Variants in CNTN1 observed in about 807,000 individuals in gnomAD.
CNTN1 encodes contactin 1.
CNTN1 carries 38 observed loss-of-function variants against 126.4 expected under a neutral mutation model. The ratio of observed to expected loss-of-function variants is 0.30; its 90% CI spans 0.23 to 0.39. The LOEUF is 0.39. CNTN1 is among the 10% of genes least tolerant of loss of function. The probability of loss-of-function intolerance (pLI) is 1.00; values close to 1 mark genes in which losing one functional copy is unlikely to be tolerated. For synonymous variants in CNTN1, 413 were observed against 422.6 expected, an observed-to-expected ratio of 0.98 and a Z score of 0.28; for missense variants, 1,009 against 1,248.4, an observed-to-expected ratio of 0.81 and a Z score of 2.89.
At chr12:40,944,977 C>G (rs74993037) in intron 14 of CNTN1, among the ~76,000 whole-genome samples, 3,397 of 152,078 alleles carry the variant, frequency 0.022, 66 homozygotes, top group Non-Finnish European at 0.033. Flanking sequence ...CACAAATGAA[C>G]TCAGTAGGAC....
At chr12:40,716,710 GA>G (rs1233012270) in intron 1 of CNTN1, among the ~76,000 whole-genome samples, 33 of 152,274 alleles carry the variant, frequency 2.2e-4, no homozygotes, top group African/African-American at 7.9e-4. Context: ...AATTGTAGTT[GA>G]AAACCATCTG....
intron 14 of CNTN1, among the ~76,000 whole-genome samples, chr12:40,949,937 C>T (rs994805450): frequency 5.3e-5 from 8 of 151,750 alleles, no homozygotes; most frequent in South Asian, 2.1e-4. Flanking sequence ...AAAACGAGGA[C>T]GGTTGGGCAA....
intron 1 of CNTN1, among the ~76,000 whole-genome samples, chr12:40,759,774 A>ATTTTTTTTTTTTTTTTTTT (rs33992864): frequency 2.5e-4 from 34 of 133,574 alleles, no homozygotes; most frequent in East Asian, 1.8e-3. Flanking sequence ...TGGCCCAGAT[A>ATTTTTTTTTTTTTTTTTTT]TTTTTTTTTT....
chr12:41,052,416 TA>T (rs1949709997), intron 23 of CNTN1, among the ~76,000 whole-genome samples: 1 of 152,180 alleles, frequency 6.6e-6, no homozygotes, highest in Non-Finnish European at 1.5e-5. Flanking sequence ...GCAGTGGCTT[TA>T]AAAAGTGCCT....
At chr12:40,933,985 G>A (rs527898144) in intron 9 of CNTN1, 107 bp downstream of exon 9, 1 of 832,580 alleles carries the variant, frequency 1.2e-6, no homozygotes, top group African/African-American at 1.7e-5. Flanking sequence ...TAAAAACAGT[G>A]ATGCATGTTA....
chr12:40,901,010 G>GTAAC (rs1479491274), intron 1 of CNTN1, among the ~76,000 whole-genome samples: 1 of 152,190 alleles, frequency 6.6e-6, no homozygotes, highest in Non-Finnish European at 1.5e-5. Context: ...AGGTGACACA[G>GTAAC]TAACCTCAGA....
intron 23 of CNTN1, among the ~76,000 whole-genome samples, chr12:41,044,722 G>T (rs566697884): frequency 6.6e-6 from 1 of 152,152 alleles, no homozygotes; most frequent in South Asian, 2.1e-4. Context: ...TTTGGAAAAG[G>T]ACGTCAGAAA....
chr12:40,702,490 G>T (rs1262579252), intron 1 of CNTN1, among the ~76,000 whole-genome samples: 1 of 152,100 alleles, frequency 6.6e-6, no homozygotes, highest in South Asian at 2.1e-4. Context: ...TGTTGCCCAG[G>T]CTGGAGTGCA....
chr12:40,935,785 A>G (rs535784009), intron 9 of CNTN1, among the ~76,000 whole-genome samples: 1 of 152,208 alleles, frequency 6.6e-6, no homozygotes, highest in South Asian at 2.1e-4. Flanking sequence ...TAAGATATAT[A>G]GGTGTACATA....
chr12:41,008,750 C>A (rs1948570242), intron 17 of CNTN1, among the ~76,000 whole-genome samples: 1 of 152,142 alleles, frequency 6.6e-6, no homozygotes, highest in Non-Finnish European at 1.5e-5. Context: ...CTGACTTGTC[C>A]TAAACATCTC....
chr12:40,802,502 T>C (rs551896288), intron 1 of CNTN1, among the ~76,000 whole-genome samples: 1 of 151,858 alleles, frequency 6.6e-6, no homozygotes, highest in African/African-American at 2.4e-5. Context: ...GAACTAAGAG[T>C]CCTGGGAATT....
intron 1 of CNTN1, among the ~76,000 whole-genome samples, chr12:40,858,986 G>A (rs1053356638): frequency 6.6e-6 from 1 of 151,714 alleles, no homozygotes; most frequent in Admixed American, 6.6e-5. Context: ...AGAGGGTGGG[G>A]TTGGGGGAGG....
intron 1 of CNTN1, among the ~76,000 whole-genome samples, chr12:40,764,177 C>A (rs1378181906): frequency 1.3e-5 from 2 of 152,122 alleles, no homozygotes; most frequent in African/African-American, 4.8e-5. Flanking sequence ...ACCATAATAT[C>A]TACCTGAAGG....
chr12:40,938,104 AC>A (rs1392777185), intron 11 of CNTN1, among the ~76,000 whole-genome samples: 2 of 152,190 alleles, frequency 1.3e-5, no homozygotes, highest in Non-Finnish European at 2.9e-5. Context: ...TCCAGAAAGT[AC>A]ATAGTTACGG....
chr12:41,041,024 C>T (rs1258149571), intron 23 of CNTN1, among the ~76,000 whole-genome samples: 1 of 143,800 alleles, frequency 7.0e-6, no homozygotes, highest in Admixed American at 7.1e-5. Context: ...CAGTTTTTGC[C>T]CATTCAGTAT....
intron 1 of CNTN1, among the ~76,000 whole-genome samples, chr12:40,785,900 G>A: frequency 6.6e-6 from 1 of 152,044 alleles, no homozygotes; most frequent in East Asian, 1.9e-4. Flanking sequence ...ATGTATGAGG[G>A]ATCTGCCCCC....
chr12:41,065,025 A>G (rs1333378444), intron 23 of CNTN1, among the ~76,000 whole-genome samples: 2 of 152,050 alleles, frequency 1.3e-5, no homozygotes, highest in Non-Finnish European at 1.5e-5. Flanking sequence ...TGTGGCTCCT[A>G]CTAGGACAGG....
At chr12:41,029,809 T>C (rs557070163) in intron 23 of CNTN1, among the ~76,000 whole-genome samples, 1 of 152,242 alleles carries the variant, frequency 6.6e-6, no homozygotes, top group African/African-American at 2.4e-5. Flanking sequence ...CCCCTTTGTC[T>C]TTTCTCTTTC....
chr12:41,015,823 TTAA>T (rs1592407733), intron 18 of CNTN1, among the ~76,000 whole-genome samples: 1 of 152,182 alleles, frequency 6.6e-6, no homozygotes, highest in African/African-American at 2.4e-5. Context: ...TCAGTTTTTA[TTAA>T]TAATAGGTGA....
Sources: gnomAD v4.1 joint callset for allele counts (sites outside exome capture counted in the v4.1 genomes callset) on GRCh38, gnomAD v4.1.1 for gene constraint, MANE v1.5 for transcripts, NCBI Gene and HGNC (gene_info 2026-07-23, HGNC 2026-07-21) for gene names.